LMO7: variants seen among roughly 807,000 people sequenced by gnomAD.
LMO7 encodes LIM domain only protein 7.
In LMO7, 120 loss-of-function variants were observed where a neutral mutation model predicts 206.5. The observed-to-expected ratio is 0.58, with a 90% confidence interval of 0.50 to 0.68. The LOEUF (loss-of-function observed/expected upper bound fraction) is 0.68, where lower values mean the gene tolerates loss of function less well. LMO7 is among the 30% of genes least tolerant of loss of function. The probability of loss-of-function intolerance (pLI) is 0.00; values close to 1 mark genes in which losing one functional copy is unlikely to be tolerated. For synonymous variants in LMO7, 706 were observed against 681.5 expected, an observed-to-expected ratio of 1.04 and a Z score of -0.56; for missense variants, 1,959 against 1,957.9, an observed-to-expected ratio of 1.00 and a Z score of -0.01.
At chr13:75,835,748 A>G (rs1406138941) in intron 18 of LMO7, among the ~76,000 whole-genome samples, 1 of 152,144 alleles carries the variant, frequency 6.6e-6, no homozygotes, top group African/African-American at 2.4e-5. Flanking sequence ...AACTTCATGA[A>G]GCATTTTTAG....
chr13:75,623,150 A>G, intron 1 of LMO7: 1 of 588,884 alleles, frequency 1.7e-6, no homozygotes, highest in Non-Finnish European at 3.0e-6. Context: ...TCTACTAAAT[A>G]GTATCATGCT....
intron 1 of LMO7, among the ~76,000 whole-genome samples, chr13:75,704,827 G>T (rs2042536954): frequency 6.6e-6 from 1 of 152,154 alleles, no homozygotes; most frequent in Non-Finnish European, 1.5e-5. Context: ...CCAGCAAGAG[G>T]ATTAAAATAA....
intron 1 of LMO7, among the ~76,000 whole-genome samples, chr13:75,700,002 AAAG>A (rs757223450): frequency 5.3e-5 from 8 of 152,232 alleles, no homozygotes; most frequent in Non-Finnish European, 1.2e-4. Context: ...TTGCTGAGAA[AAAG>A]AATTCAGTGA....
chr13:75,681,706 G>GTATATATATATGTATATATATATATATA (rs1197920220), intron 1 of LMO7, among the ~76,000 whole-genome samples: 2 of 93,310 alleles, frequency 2.1e-5, no homozygotes, highest in African/African-American at 7.3e-5. Context: ...GTATGTATGT[G>GTATATATATATGTATATATATATATATA]TATATATATA....
At chr13:75,825,210 C>T (rs888833769) in intron 15 of LMO7, among the ~76,000 whole-genome samples, 29 of 152,158 alleles carry the variant, frequency 1.9e-4, no homozygotes, top group African/African-American at 6.7e-4. Context: ...TGCTAAGTCT[C>T]AGTGGAGAAG....
chr13:75,681,718 G>GTATGTGTATATATATATA (rs1555293391), intron 1 of LMO7, among the ~76,000 whole-genome samples: 1 of 104,580 alleles, frequency 9.6e-6, no homozygotes, highest in Non-Finnish European at 1.9e-5. Flanking sequence ...ATATATATAT[G>GTATGTGTATATATATATA]TATATATATA....
chr13:75,827,535 C>A (rs553084493), intron 15 of LMO7, among the ~76,000 whole-genome samples: 1 of 152,006 alleles, frequency 6.6e-6, no homozygotes, highest in African/African-American at 2.4e-5. Context: ...CTTTTTGCAC[C>A]CTTTCTTTTG....
intron 1 of LMO7, chr13:75,622,117 T>C (rs66635712): frequency 0.12 from 31,569 of 254,514 alleles, 2,279 homozygotes; most frequent in Non-Finnish European, 0.17. Context: ...ATGTATGGGG[T>C]ACATGAGATA....
intron 1 of LMO7, among the ~76,000 whole-genome samples, chr13:75,671,825 A>T (rs1369625695): frequency 6.6e-6 from 1 of 152,126 alleles, no homozygotes; most frequent in Non-Finnish European, 1.5e-5. Context: ...CTCAAGTTCC[A>T]TAGCCAGCCT....
intron 4 of LMO7, among the ~76,000 whole-genome samples, chr13:75,794,063 G>A (rs117238539): frequency 0.049 from 7,534 of 152,234 alleles, 273 homozygotes; most frequent in Non-Finnish European, 0.076. Context: ...ATAATGTTAA[G>A]GACATCTACG....
chr13:75,840,202 A>G (rs2059460020), intron 21 of LMO7, 92 bp downstream of exon 21: 1 of 1,422,340 alleles, frequency 7.0e-7, no homozygotes, highest in Admixed American at 1.8e-5. Context: ...TTTAGGTTGC[A>G]TAAGAATTTA....
intron 15 of LMO7, among the ~76,000 whole-genome samples, chr13:75,826,192 C>T (rs2058096593): frequency 6.6e-6 from 1 of 152,036 alleles, no homozygotes; most frequent in Non-Finnish European, 1.5e-5. Flanking sequence ...AAGCACATGC[C>T]ACCACGCCTG....
At chr13:75,675,888 GCACA>G (rs3036374) in intron 1 of LMO7, among the ~76,000 whole-genome samples, 21,229 of 150,650 alleles carry the variant, frequency 0.14, 2,068 homozygotes, top group East Asian at 0.31. Context: ...GCACGAGCGT[GCACA>G]CACACACACA....
intron 7 of LMO7, among the ~76,000 whole-genome samples, chr13:75,803,327 G>A (rs1330837137): frequency 1.3e-5 from 2 of 152,226 alleles, no homozygotes; most frequent in African/African-American, 4.8e-5. Flanking sequence ...TAACCCTGCA[G>A]GTGCTCTACC....
At chr13:75,737,549 C>T (rs1171982772) in intron 3 of LMO7, among the ~76,000 whole-genome samples, 2 of 148,364 alleles carry the variant, frequency 1.3e-5, no homozygotes, top group Admixed American at 6.7e-5. Context: ...GTCAGGAGAT[C>T]GAGACCATCC....
chr13:75,658,053 G>A (rs1430254441), intron 1 of LMO7, among the ~76,000 whole-genome samples: 5 of 148,158 alleles, frequency 3.4e-5, no homozygotes, highest in Admixed American at 2.7e-4. Context: ...TCCCAGCACC[G>A]TTTTGGCTTT....
chr13:75,841,006 G>A (rs2059518577), intron 22 of LMO7, 103 bp from the exon 23 acceptor site: 3 of 702,742 alleles, frequency 4.3e-6, no homozygotes, highest in African/African-American at 1.8e-5. Flanking sequence ...GGTCTTTAAA[G>A]GTTTGAGGTT....
intron 1 of LMO7, among the ~76,000 whole-genome samples, chr13:75,700,984 G>T (rs551765977): frequency 2.2e-4 from 33 of 152,290 alleles, no homozygotes; most frequent in Admixed American, 2.0e-3. Context: ...ATATTCCATT[G>T]TGTATTTACA....
At chr13:75,624,521 AC>A (rs1252671890) in intron 2 of LMO7, among the ~76,000 whole-genome samples, 4 of 152,092 alleles carry the variant, frequency 2.6e-5, no homozygotes, top group Non-Finnish European at 4.4e-5. Context: ...GTTCAGAGAA[AC>A]CCCACCTGTA....
Sources: allele counts gnomAD v4.1 joint callset (sites outside exome capture counted in the v4.1 genomes callset), GRCh38; gene constraint gnomAD v4.1.1; transcripts MANE v1.5; gene names NCBI Gene and HGNC (gene_info 2026-07-23, HGNC 2026-07-21).